The following RMDN2 variants were observed in gnomAD, a reference collection of about 807,000 sequenced individuals.
RMDN2 encodes regulator of microtubule dynamics 2, also known as regulator of microtubule dynamics protein 2.
A neutral mutation model predicts 52.8 loss-of-function variants in RMDN2; 61 were observed. The observed-to-expected ratio is 1.16, with a 90% confidence interval of 0.94 to 1.43. The LOEUF (loss-of-function observed/expected upper bound fraction) is 1.43, where lower values mean the gene tolerates loss of function less well. RMDN2 is among the 40% of genes most tolerant of loss of function. The pLI, the probability that RMDN2 is intolerant of heterozygous loss-of-function variation, is 0.00. For missense variants in RMDN2, 592 were observed against 475.3 expected (o/e 1.25, Z -2.28); for synonymous variants, 180 against 153.1 (o/e 1.18, Z -1.30).
intron 10 of RMDN2, among the ~76,000 whole-genome samples, chr2:38,006,891 T>C (rs926361918): frequency 5.9e-5 from 9 of 152,220 alleles, no homozygotes; most frequent in African/African-American, 1.7e-4. Context: ...CAATACCTAA[T>C]TTATTAAGGG....
chr2:37,962,509 C>G (rs951676854), intron 2 of RMDN2, among the ~76,000 whole-genome samples: 6 of 152,164 alleles, frequency 3.9e-5, no homozygotes, highest in Non-Finnish European at 8.8e-5. Context: ...AAACCGCCTG[C>G]TCAAGCCTCA....
At chr2:38,059,740 T>C (rs143718242) in intron 10 of RMDN2, among the ~76,000 whole-genome samples, 1 of 152,166 alleles carries the variant, frequency 6.6e-6, no homozygotes, top group East Asian at 1.9e-4. Context: ...ATGAGAAAGG[T>C]GCTGACCTCT....
chr2:38,043,611 T>C (rs928488468), intron 10 of RMDN2, among the ~76,000 whole-genome samples: 3 of 152,148 alleles, frequency 2.0e-5, no homozygotes, highest in Non-Finnish European at 2.9e-5. Flanking sequence ...TTGAGTATTT[T>C]ATATGATTCC....
chr2:37,964,043 C>A (rs7590881), intron 2 of RMDN2, among the ~76,000 whole-genome samples: 58,438 of 150,684 alleles, frequency 0.39, 12,439 homozygotes, highest in South Asian at 0.52. Flanking sequence ...GGCTGCCCCC[C>A]ACCTCCCTCC....
chr2:37,974,377 A>T (rs1177759991), intron 3 of RMDN2, among the ~76,000 whole-genome samples, 163 bp downstream of exon 3: 2 of 152,000 alleles, frequency 1.3e-5, no homozygotes, highest in African/African-American at 4.8e-5. Context: ...TTTATTTTTT[A>T]TTTAAGATGC....
chr2:37,930,578 G>A (rs961339577), intron 2 of RMDN2, among the ~76,000 whole-genome samples: 1 of 152,198 alleles, frequency 6.6e-6, no homozygotes, highest in Non-Finnish European at 1.5e-5. Flanking sequence ...GCAAGAGACA[G>A]CACGAGGGAC....
At chr2:38,005,935 C>CCCAGCA (rs1224432784) in intron 10 of RMDN2, among the ~76,000 whole-genome samples, 1 of 152,248 alleles carries the variant, frequency 6.6e-6, no homozygotes, top group East Asian at 1.9e-4. Flanking sequence ...AGCCAGTTTT[C>CCCAGCA]CCAGCACCAT....
At chr2:37,975,722 A>G (rs1431828136) in intron 4 of RMDN2, among the ~76,000 whole-genome samples, 1 of 152,196 alleles carries the variant, frequency 6.6e-6, no homozygotes, top group Non-Finnish European at 1.5e-5. Context: ...TCTATAGTAA[A>G]TCACTAGTGA....
At chr2:37,926,893 A>G (rs1057092773) in intron 1 of RMDN2, among the ~76,000 whole-genome samples, 2 of 152,088 alleles carry the variant, frequency 1.3e-5, no homozygotes, top group African/African-American at 4.8e-5. Flanking sequence ...CAGTGATTGT[A>G]CCACTGCACT....
chr2:38,002,768 C>G (rs1215813880), intron 8 of RMDN2: 3 of 152,222 alleles, frequency 2.0e-5, no homozygotes, highest in Admixed American at 6.5e-5. Context: ...GAGAAACTTT[C>G]ACTTTTTAAT....
chr2:37,970,781 G>T (rs928571384), intron 2 of RMDN2, among the ~76,000 whole-genome samples: 9 of 152,060 alleles, frequency 5.9e-5, no homozygotes, highest in African/African-American at 1.7e-4. Flanking sequence ...ATAACATAAA[G>T]ATAATAGCTT....
At chr2:37,927,295 T>A (rs1255621158) in intron 1 of RMDN2, among the ~76,000 whole-genome samples, 1 of 152,234 alleles carries the variant, frequency 6.6e-6, no homozygotes, top group African/African-American at 2.4e-5. Flanking sequence ...GAACAGGTTG[T>A]CAAAGGTGAC....
intron 2 of RMDN2, among the ~76,000 whole-genome samples, chr2:37,939,526 A>C (rs1280219516): frequency 6.6e-6 from 1 of 152,138 alleles, no homozygotes; most frequent in Non-Finnish European, 1.5e-5. Context: ...GTGGGAGTCT[A>C]AGTCTCTTTG....
intron 10 of RMDN2, among the ~76,000 whole-genome samples, chr2:38,016,153 G>A (rs1312386670): frequency 1.3e-5 from 2 of 152,212 alleles, no homozygotes; most frequent in Non-Finnish European, 2.9e-5. Flanking sequence ...CGTGGAAGAC[G>A]TTAACTAGAG....
intron 2 of RMDN2, among the ~76,000 whole-genome samples, chr2:37,955,055 A>G (rs1460213079): frequency 2.0e-5 from 3 of 152,060 alleles, no homozygotes; most frequent in Non-Finnish European, 4.4e-5. Context: ...CTATCCTGCA[A>G]TTTTGCTGAA....
At position 37,947,242 on chromosome 2, in the gene RMDN2, A is replaced by G. The variant is rs780285838; in HGVS notation, c.452+17513A>G. ...TCCACTGTCTATTATTGCATGCTCA[A>G]TGTCCATGTGTACACATTATTTAGT... On this transcript the variant is annotated intron_variant, in intron 2 of 10. Transcript: ENST00000354545. 5.3e-5 allele frequency among the ~76,000 whole-genome samples: 8 copies of G among 152,174 alleles called. No individual in the cohort carries two copies. The East Asian group carries it at 5.8e-4, about 11-fold the overall frequency.
chr2:38,040,122 T>A (rs336029), intron 10 of RMDN2, among the ~76,000 whole-genome samples: 146 of 150,456 alleles, frequency 9.7e-4, no homozygotes, highest in African/African-American at 3.4e-3. Context: ...TACTACTTGT[T>A]AAAAGACTAG....
intron 10 of RMDN2, among the ~76,000 whole-genome samples, chr2:38,032,160 C>A (rs1276245894): frequency 6.6e-6 from 1 of 152,088 alleles, no homozygotes; most frequent in Non-Finnish European, 1.5e-5. Context: ...TGGGTTTTGA[C>A]AAATTTTAAC....
chr2:37,934,277 A>T (rs990210614), intron 2 of RMDN2, among the ~76,000 whole-genome samples: 3 of 152,212 alleles, frequency 2.0e-5, no homozygotes, highest in Admixed American at 1.3e-4. Context: ...TCAGTGGAAC[A>T]TGTTTTCTGT....
Sources: gnomAD v4.1 joint callset for allele counts (sites outside exome capture counted in the v4.1 genomes callset) on GRCh38, gnomAD v4.1.1 for gene constraint, MANE v1.5 for transcripts, NCBI Gene and HGNC (gene_info 2026-07-23, HGNC 2026-07-21) for gene names.